The following TSGA10IP variants were observed in gnomAD, a reference collection of about 807,000 sequenced individuals.
TSGA10IP encodes testis-specific protein 10-interacting protein.
TSGA10IP carries 64 observed loss-of-function variants against 63.2 expected under a neutral mutation model. The ratio of observed to expected loss-of-function variants is 1.01; its 90% CI spans 0.83 to 1.25. The LOEUF (loss-of-function observed/expected upper bound fraction) is 1.25. Ranked by LOEUF, TSGA10IP falls within the 50% of genes most tolerant of loss-of-function variation. The pLI is 0.00. For missense variants in TSGA10IP, 681 were observed against 710.1 expected, an observed-to-expected ratio of 0.96 and a Z score of 0.47; for synonymous variants, 316 against 298.3, an observed-to-expected ratio of 1.06 and a Z score of -0.61.
At chr11:65,959,948 T>G (rs1855089283) in exon 8 of TSGA10IP, 1 of 1,612,614 alleles carries the variant, frequency 6.2e-7, no homozygotes, top group African/African-American at 1.3e-5. Flanking sequence ...TGAGATAAAA[T>G]TAAAGGCTTT....
chr11:65,959,360 C>T (rs1283265806), intron 7 of TSGA10IP, 46 bp downstream of exon 7: 12 of 1,595,866 alleles, frequency 7.5e-6, no homozygotes, highest in African/African-American at 2.7e-5. Flanking sequence ...CATGCTGCTG[C>T]GGGAAGGGGC....
chr11:65,957,871 C>T (rs776267274), intron 5 of TSGA10IP, among the ~76,000 whole-genome samples: 2 of 152,204 alleles, frequency 1.3e-5, no homozygotes, highest in Non-Finnish European at 2.9e-5. Flanking sequence ...TCGAAGGTCC[C>T]TCTTGCTGCT....
At chr11:65,947,082 C>T (rs1385826199) in intron 2 of TSGA10IP, 28 bp from the exon 3 acceptor site, 2 of 1,608,920 alleles carry the variant, frequency 1.2e-6, no homozygotes, top group African/African-American at 2.7e-5. Flanking sequence ...CTGGCGCCGA[C>T]CCTGACCCCC....
chr11:65,959,406 C>T, intron 7 of TSGA10IP, 92 bp downstream of exon 7: 1 of 1,525,860 alleles, frequency 6.6e-7, no homozygotes, highest in Non-Finnish European at 8.8e-7. Flanking sequence ...GAGGGCCTCC[C>T]CCAGGACAGG....
At chr11:65,948,055 G>T in exon 4 of TSGA10IP, 1 of 1,578,586 alleles carries the variant, frequency 6.3e-7, no homozygotes, top group Non-Finnish European at 8.6e-7. Flanking sequence ...GCCTCCAAGC[G>T]GAATGGAAAG....
intron 4 of TSGA10IP, among the ~76,000 whole-genome samples, chr11:65,951,880 C>G (rs111274177): frequency 0.024 from 3,550 of 150,144 alleles, 41 homozygotes; most frequent in African/African-American, 0.035. Context: ...GATGGAGCCT[C>G]ACTTCGTCAC....
chr11:65,957,571 G>A (rs59768626), intron 5 of TSGA10IP, among the ~76,000 whole-genome samples: 1 of 152,064 alleles, frequency 6.6e-6, no homozygotes, highest in Admixed American at 6.5e-5. Context: ...CTTGTGTTCC[G>A]GGCCATGGGT....
chr11:65,948,400 T>G (rs750781137), intron 4 of TSGA10IP, among the ~76,000 whole-genome samples: 21 of 152,188 alleles, frequency 1.4e-4, no homozygotes, highest in Admixed American at 6.5e-4. Context: ...CAATTATCTA[T>G]TGATACAACC....
At chr11:65,946,808 A>G in intron 1 of TSGA10IP, 72 bp from the exon 2 acceptor site, 1 of 1,536,890 alleles carries the variant, frequency 6.5e-7, no homozygotes. Flanking sequence ...CAGAGGGAGC[A>G]CCCGGGTGAG....
exon 5 of TSGA10IP, chr11:65,953,646 G>A (rs1293871645): frequency 1.3e-6 from 2 of 1,591,304 alleles, no homozygotes; most frequent in Non-Finnish European, 8.5e-7. Flanking sequence ...GACACAGCAT[G>A]TACAGCGGCA....
At chr11:65,953,941 A>G (rs965901140) in intron 5 of TSGA10IP, among the ~76,000 whole-genome samples, 4 of 152,250 alleles carry the variant, frequency 2.6e-5, no homozygotes, top group Non-Finnish European at 5.9e-5. Context: ...CAATCTCTGC[A>G]GCTGTTGAAT....
exon 2 of TSGA10IP, chr11:65,946,924 G>A: frequency 6.2e-7 from 1 of 1,613,960 alleles, no homozygotes. Flanking sequence ...AAGACCTGCA[G>A]CAGAGGTCTC....
rs554594158 is a variant in TSGA10IP, at chr11:65,958,504, C to G, written c.1323-379C>G. Among the ~76,000 whole-genome samples the G allele has an allele frequency of 1.2e-4, 18 of 152,276 alleles. No homozygotes were observed. The East Asian group carries it at 1.7e-3, about 15-fold the overall frequency. On this transcript the variant is annotated intron_variant, in intron 5 of 7. Transcript: ENST00000532620. ...ACACAACCAACAACCACAGCTCCCC[C>G]TCAAGGGAAAGAGGATGGGGAGGGG...
chr11:65,947,552 ATC>A lies in TSGA10IP; in HGVS notation c.730_731del (p.Ser244ArgfsTer13). 1 of 1,613,814 alleles carries A rather than the reference ATC, an allele frequency of 6.2e-7. No homozygotes were observed. The highest frequency in any genetic ancestry group is 8.5e-7 in the Non-Finnish European group (1 of 1,179,830). On this transcript the variant is annotated frameshift_variant, in exon 3 of 8. Coordinates refer to ENST00000532620, the Ensembl canonical transcript of TSGA10IP. LOFTEE classifies it high-confidence loss of function. ...GCCCCAGCGCCCCAGGAGGGGGTCG[ATC>A]TCAGAGGAGGAGCAATTTTCAGAGG...
intron 5 of TSGA10IP, 85 bp downstream of exon 5, chr11:65,953,822 C>T: frequency 8.7e-7 from 1 of 1,144,908 alleles, no homozygotes; most frequent in Non-Finnish European, 1.2e-6. Context: ...CGAGGAGCAC[C>T]AGCCCTCGCC....
chr11:65,945,606 G>A, exon 1 of TSGA10IP: 2 of 1,563,986 alleles, frequency 1.3e-6, no homozygotes, highest in Non-Finnish European at 1.7e-6. Flanking sequence ...CATTGAGACT[G>A]GCTGAGGACT....
intron 1 of TSGA10IP, among the ~76,000 whole-genome samples, chr11:65,946,051 A>G (rs1054355869): frequency 1.3e-5 from 2 of 152,196 alleles, no homozygotes; most frequent in African/African-American, 4.8e-5. Context: ...TTCAGGGAAC[A>G]CTGCGGAAGG....
At chr11:65,945,681 G>A in exon 1 of TSGA10IP, 1 of 1,612,684 alleles carries the variant, frequency 6.2e-7, no homozygotes, top group Non-Finnish European at 8.5e-7. Context: ...GCAGGATGGG[G>A]CAGGACACCG....
exon 3 of TSGA10IP, chr11:65,947,122 T>C: frequency 6.2e-7 from 1 of 1,611,348 alleles, no homozygotes; most frequent in Admixed American, 1.7e-5. Context: ...ACTTCCCGCT[T>C]CTTCCTCGGA....
Sources: allele counts gnomAD v4.1 joint callset (sites outside exome capture counted in the v4.1 genomes callset), GRCh38; gene constraint gnomAD v4.1.1; transcripts MANE v1.5; gene names NCBI Gene and HGNC (gene_info 2026-07-23, HGNC 2026-07-21).